DAB2IP: variants seen among roughly 807,000 people sequenced by gnomAD.
DAB2IP encodes disabled homolog 2-interacting protein.
DAB2IP carries 28 observed loss-of-function variants against 107.2 expected under a neutral mutation model. The observed-to-expected ratio is 0.26, with a 90% CI of 0.19 to 0.36. The LOEUF (loss-of-function observed/expected upper bound fraction) is 0.36. Ranked by LOEUF, DAB2IP falls within the 10% of genes least tolerant of loss-of-function variation. The pLI is 1.00. For missense variants in DAB2IP, 1,400 were observed against 1,644.7 expected, an observed-to-expected ratio of 0.85 and a Z score of 2.57; for synonymous variants, 755 against 706.4, an observed-to-expected ratio of 1.07 and a Z score of -1.09.
At chr9:121,609,326 G>A (rs1831002242) in intron 1 of DAB2IP, among the ~76,000 whole-genome samples, 1 of 152,170 alleles carries the variant, frequency 6.6e-6, no homozygotes, top group African/African-American at 2.4e-5. Flanking sequence ...ACAGGGAGGA[G>A]GTAGTGGCTG....
chr9:121,591,240 G>T (rs1320485609), intron 1 of DAB2IP, among the ~76,000 whole-genome samples: 5 of 152,168 alleles, frequency 3.3e-5, no homozygotes, highest in Non-Finnish European at 5.9e-5. Context: ...AGGCTAAGGC[G>T]GGTGGATCAC....
intron 1 of DAB2IP, among the ~76,000 whole-genome samples, chr9:121,660,304 T>A (rs925796437): frequency 6.6e-6 from 1 of 152,218 alleles, no homozygotes; most frequent in Non-Finnish European, 1.5e-5. Context: ...AGGCTCAGAC[T>A]GGTTAAGTGA....
Position 121,652,197 on chromosome 9 carries a change from C to T in DAB2IP, c.124+298C>T, listed in dbSNP as rs73661802. Among the ~76,000 whole-genome samples, 1,237 of 152,278 alleles carry T rather than the reference C, an allele frequency of 8.1e-3. 22 individuals carry two copies. The highest frequency in any genetic ancestry group is 0.029 in the African/African-American group (1,189 of 41,550). ...CTACCCCACTGTGCCTCAGTTTACT[C>T]AGCAGCCGGGCAATAAAGTAACCCA... is the stretch of plus-strand genomic sequence containing the variant. On this transcript the variant is annotated intron_variant, in intron 1 of 15. Coordinates refer to ENST00000408936, the Ensembl canonical transcript of DAB2IP.
intron 1 of DAB2IP, among the ~76,000 whole-genome samples, chr9:121,586,461 G>A (rs1295027370): frequency 1.3e-5 from 2 of 152,284 alleles, no homozygotes; most frequent in Middle Eastern, 3.4e-3. Context: ...CTTCCAGTTG[G>A]AGAGACTGGG....
intron 1 of DAB2IP, among the ~76,000 whole-genome samples, chr9:121,581,292 C>T (rs1293305293): frequency 1.3e-5 from 2 of 152,206 alleles, no homozygotes; most frequent in East Asian, 1.9e-4. Flanking sequence ...CAGACCTGCT[C>T]AGCCTCCAGT....
exon 8 of DAB2IP, chr9:121,763,790 C>G: frequency 6.2e-7 from 1 of 1,614,156 alleles, no homozygotes. Context: ...TGGATCCCAG[C>G]AAGTGCTCGG....
At chr9:121,735,718 A>C (rs758568961) in intron 3 of DAB2IP, among the ~76,000 whole-genome samples, 7 of 152,112 alleles carry the variant, frequency 4.6e-5, no homozygotes, top group Non-Finnish European at 1.0e-4. Flanking sequence ...GATACCCTGC[A>C]TGTGGTAGAG....
intron 1 of DAB2IP, among the ~76,000 whole-genome samples, chr9:121,597,977 C>G (rs1830563960): frequency 6.6e-6 from 1 of 152,214 alleles, no homozygotes; most frequent in Non-Finnish European, 1.5e-5. Flanking sequence ...CTTCCCAGTG[C>G]TGGAGACCGG....
chr9:121,725,425 AG>A (rs986843755), intron 3 of DAB2IP, among the ~76,000 whole-genome samples: 1 of 152,160 alleles, frequency 6.6e-6, no homozygotes, highest in African/African-American at 2.4e-5. Flanking sequence ...TCCACTGCCC[AG>A]GGTCACCCTT....
At chr9:121,744,303 T>C (rs1225313169) in intron 3 of DAB2IP, among the ~76,000 whole-genome samples, 1 of 152,204 alleles carries the variant, frequency 6.6e-6, no homozygotes, top group African/African-American at 2.4e-5. Flanking sequence ...AGACTGTGTC[T>C]GGGCCAGGAG....
At chr9:121,759,103 C>A in intron 5 of DAB2IP, 107 bp downstream of exon 5, 1 of 1,152,632 alleles carries the variant, frequency 8.7e-7, no homozygotes, top group South Asian at 1.4e-5. Context: ...TGGGGGTGGT[C>A]AGCCTGCATG....
At chr9:121,706,759 C>A (rs955415699) in intron 3 of DAB2IP, among the ~76,000 whole-genome samples, 3 of 152,250 alleles carry the variant, frequency 2.0e-5, no homozygotes, top group African/African-American at 7.2e-5. Flanking sequence ...TCTCTGTCCT[C>A]TGTGAGCATG....
chr9:121,629,844 A>G (rs1405088023), intron 1 of DAB2IP, among the ~76,000 whole-genome samples: 1 of 152,174 alleles, frequency 6.6e-6, no homozygotes, highest in Non-Finnish European at 1.5e-5. Context: ...GGGTTCTGAG[A>G]CAAATCCTCC....
At chr9:121,669,090 A>G (rs1341461681) in intron 1 of DAB2IP, among the ~76,000 whole-genome samples, 2 of 151,550 alleles carry the variant, frequency 1.3e-5, no homozygotes, top group Non-Finnish European at 2.9e-5. Context: ...TAATTTTTGT[A>G]TTTTTAGTAG....
At position 121,666,867 on chromosome 9, in the gene DAB2IP, A is replaced by AACACACACAC. The variant is rs59290421; in HGVS notation, c.125-11771_125-11762dup. ...GGCTTCATCCCCTATCCCCAGCCCCAACACACACACACACACACACACACA... is the reference window on the plus strand; with the variant it reads ...GGCTTCATCCCCTATCCCCAGCCCCAACACACACACACACACACACACACACACACACACA... On this transcript the variant is annotated intron_variant, in intron 1 of 15. Coordinates refer to ENST00000408936, the Ensembl canonical transcript of DAB2IP. Among the ~76,000 whole-genome samples, 189 of 128,666 alleles carry AACACACACAC rather than the reference A, an allele frequency of 1.5e-3. 1 individual carries two copies. The highest frequency in any genetic ancestry group is 7.4e-3 in the Middle Eastern group (2 of 270). The allele number at this position is 128,666 out of a possible 152,430, so 84.4% of individuals were successfully genotyped here.
At chr9:121,606,461 C>A (rs899814244) in intron 1 of DAB2IP, among the ~76,000 whole-genome samples, 1 of 152,150 alleles carries the variant, frequency 6.6e-6, no homozygotes, top group Non-Finnish European at 1.5e-5. Flanking sequence ...CCCTCCCAGT[C>A]CCCCTGTGAC....
intron 9 of DAB2IP, among the ~76,000 whole-genome samples, chr9:121,767,262 C>T (rs1354992891): frequency 6.6e-6 from 1 of 152,332 alleles, no homozygotes; most frequent in Non-Finnish European, 1.5e-5. Context: ...CACTGTTGTT[C>T]ATTCTCAAAA....
intron 2 of DAB2IP, among the ~76,000 whole-genome samples, chr9:121,681,511 C>T (rs991478461): frequency 1.3e-5 from 2 of 152,138 alleles, no homozygotes; most frequent in Non-Finnish European, 2.9e-5. Flanking sequence ...CGGTTAGGGT[C>T]TGCAGGATGG....
intron 6 of DAB2IP, among the ~76,000 whole-genome samples, chr9:121,761,047 C>T (rs554654635): frequency 1.3e-5 from 2 of 152,312 alleles, no homozygotes; most frequent in South Asian, 2.1e-4. Flanking sequence ...AGTTCAGGGC[C>T]AGAGGTGCTC....
Sources: allele counts gnomAD v4.1 joint callset (sites outside exome capture counted in the v4.1 genomes callset), GRCh38; gene constraint gnomAD v4.1.1; transcripts MANE v1.5; gene names NCBI Gene and HGNC (gene_info 2026-07-23, HGNC 2026-07-21).